The following SAMD12 variants were observed in gnomAD, a reference collection of about 807,000 sequenced individuals.
SAMD12 encodes sterile alpha motif domain containing 12.
SAMD12 carries 9 observed loss-of-function variants against 15.0 expected under a neutral mutation model. The observed-to-expected ratio is 0.60, with a 90% CI of 0.36 to 1.05. The LOEUF is 1.05. Among genes scored for constraint, SAMD12 ranks in the 50% least tolerant of loss-of-function variants. The pLI is 0.01. For missense variants in SAMD12, 230 were observed against 234.2 expected (o/e 0.98, Z 0.12); for synonymous variants, 86 against 90.1 (o/e 0.96, Z 0.25).
At chr8:118,527,317 G>GA (rs1825560427) in intron 2 of SAMD12, among the ~76,000 whole-genome samples, 1 of 152,188 alleles carries the variant, frequency 6.6e-6, no homozygotes, top group Non-Finnish European at 1.5e-5. Flanking sequence ...CCACAGCACA[G>GA]AGGTAAAGTG....
chr8:118,404,817 C>T lies in SAMD12; in HGVS notation c.323-25117G>A, dbSNP rs181993385. ...ATTACTTTTTTTTCTACTTGTAATACGCTTTTCATGTTTTTATTATTTTTA... is the reference window on the plus strand; with the variant it reads ...ATTACTTTTTTTTCTACTTGTAATATGCTTTTCATGTTTTTATTATTTTTA... On this transcript the variant is annotated intron_variant, in intron 3 of 3. Transcript: ENST00000314727. Among the ~76,000 whole-genome samples the T allele has an allele frequency of 5.9e-4, 89 of 151,954 alleles. No homozygotes were observed. The Middle Eastern group carries it at 0.017, about 29-fold the overall frequency.
chr8:118,399,420 C>A (rs1820759710), intron 3 of SAMD12, among the ~76,000 whole-genome samples: 1 of 152,122 alleles, frequency 6.6e-6, no homozygotes, highest in Non-Finnish European at 1.5e-5. Context: ...AGCTGACAGT[C>A]CTTCTGGGAA....
At chr8:118,249,030 T>C (rs2130004061) in intron 4 of SAMD12, among the ~76,000 whole-genome samples, 1 of 152,236 alleles carries the variant, frequency 6.6e-6, no homozygotes, top group South Asian at 2.1e-4. Flanking sequence ...GTTCCTGAAA[T>C]AAAACAATGC....
chr8:118,275,591 G>A (rs999488294), intron 4 of SAMD12, among the ~76,000 whole-genome samples: 4 of 152,154 alleles, frequency 2.6e-5, no homozygotes, highest in Non-Finnish European at 5.9e-5. Context: ...GGAGGCACAT[G>A]TGCAGGTTTG....
chr8:118,414,520 C>A (rs1821586033), intron 3 of SAMD12, among the ~76,000 whole-genome samples: 1 of 152,134 alleles, frequency 6.6e-6, no homozygotes, highest in African/African-American at 2.4e-5. Flanking sequence ...ATTTATCTTT[C>A]CTCTTCATTT....
At chr8:118,531,736 A>G (rs887836149) in intron 2 of SAMD12, among the ~76,000 whole-genome samples, 5 of 152,030 alleles carry the variant, frequency 3.3e-5, no homozygotes, top group African/African-American at 1.2e-4. Context: ...TTTGTCTGTT[A>G]TTGGTGTATA....
chr8:118,297,706 G>A (rs1814788558), intron 4 of SAMD12, among the ~76,000 whole-genome samples: 2 of 152,044 alleles, frequency 1.3e-5, no homozygotes, highest in South Asian at 4.1e-4. Context: ...TTTTCAGAAG[G>A]GCAGTTTGTT....
At chr8:118,482,394 G>A (rs1240509572) in intron 2 of SAMD12, among the ~76,000 whole-genome samples, 1 of 152,150 alleles carries the variant, frequency 6.6e-6, no homozygotes, top group African/African-American at 2.4e-5. Context: ...GAAGGAAAAT[G>A]GGTACAGTTG....
intron 3 of SAMD12, among the ~76,000 whole-genome samples, chr8:118,430,464 G>A (rs891712125): frequency 2.0e-5 from 3 of 151,728 alleles, no homozygotes; most frequent in African/African-American, 7.3e-5. Flanking sequence ...CCAGGTTCAA[G>A]CGATTCTCCT....
chr8:118,596,663 C>T (rs1372693623), intron 1 of SAMD12, among the ~76,000 whole-genome samples: 3 of 151,078 alleles, frequency 2.0e-5, no homozygotes, highest in Non-Finnish European at 4.4e-5. Context: ...TGGCATCTGG[C>T]ACTTTACCTT....
intron 4 of SAMD12, among the ~76,000 whole-genome samples, chr8:118,226,618 T>C (rs529882939): frequency 6.6e-6 from 1 of 152,332 alleles, no homozygotes. Flanking sequence ...GTGCACTTTG[T>C]AAGAAGCTGG....
intron 2 of SAMD12, among the ~76,000 whole-genome samples, chr8:118,573,811 G>C (rs1262922657): frequency 2.0e-5 from 3 of 152,164 alleles, no homozygotes; most frequent in Non-Finnish European, 4.4e-5. Context: ...CCAGAGGCAA[G>C]GGACTTCTGT....
intron 2 of SAMD12, among the ~76,000 whole-genome samples, chr8:118,578,508 T>C (rs1344466161): frequency 6.6e-6 from 1 of 152,122 alleles, no homozygotes; most frequent in East Asian, 1.9e-4. Flanking sequence ...TTTTGTAAGG[T>C]AGGTTTAAAG....
chr8:118,327,646 T>C (rs576055650), intron 4 of SAMD12, among the ~76,000 whole-genome samples: 2 of 152,200 alleles, frequency 1.3e-5, no homozygotes, highest in Non-Finnish European at 2.9e-5. Context: ...TTCAAAATCA[T>C]GGAATAAGGC....
At chr8:118,246,539 G>A (rs1208161467) in intron 4 of SAMD12, among the ~76,000 whole-genome samples, 1 of 152,038 alleles carries the variant, frequency 6.6e-6, no homozygotes, top group Non-Finnish European at 1.5e-5. Flanking sequence ...AAATCAAACT[G>A]TACTTTAAAC....
In SAMD12 at chr8:118,348,462, C is replaced by T. The variant is rs543212607; in HGVS notation, c.433+31098G>A. ...GTCCGCTCACCGCAAGCTCCGCCCCCCGGGGTTCGTGCCATTCTCCTGCCT... is the reference window on the plus strand; with the variant it reads ...GTCCGCTCACCGCAAGCTCCGCCCCTCGGGGTTCGTGCCATTCTCCTGCCT... On this transcript the variant is annotated intron_variant, in intron 4 of 4. Transcript: ENST00000409003. Among the ~76,000 whole-genome samples the T allele has an allele frequency of 4.6e-5, 7 of 152,170 alleles. No homozygotes were observed. The East Asian group carries it at 1.2e-3, about 25-fold the overall frequency.
chr8:118,237,115 T>C (rs190895634), intron 4 of SAMD12, among the ~76,000 whole-genome samples: 130 of 152,330 alleles, frequency 8.5e-4, no homozygotes, highest in Non-Finnish European at 1.5e-3. Context: ...TGGTTAATTA[T>C]TCCATTCAAT....
intron 4 of SAMD12, among the ~76,000 whole-genome samples, chr8:118,333,332 C>T (rs906281956): frequency 6.6e-6 from 1 of 152,142 alleles, no homozygotes; most frequent in Non-Finnish European, 1.5e-5. Flanking sequence ...GCTCCAACCT[C>T]ATTGAAAAAC....
chr8:118,487,206 T>C (rs182558263), intron 2 of SAMD12, among the ~76,000 whole-genome samples: 5 of 152,202 alleles, frequency 3.3e-5, no homozygotes, highest in Admixed American at 3.3e-4. Flanking sequence ...CACCTCAGGG[T>C]GTCAGTGGCT....
Sources: gnomAD v4.1 joint callset for allele counts (sites outside exome capture counted in the v4.1 genomes callset) on GRCh38, gnomAD v4.1.1 for gene constraint, MANE v1.5 for transcripts, NCBI Gene and HGNC (gene_info 2026-07-23, HGNC 2026-07-21) for gene names.